Variants in IER3IP1 observed in about 807,000 individuals in gnomAD.
The protein encoded by IER3IP1 is immediate early response 3-interacting protein 1.
IER3IP1 carries 16 observed loss-of-function variants against 12.2 expected under a neutral mutation model. The ratio of observed to expected loss-of-function variants is 1.31; its 90% CI spans 0.89 to 1.99. The LOEUF is 1.99. IER3IP1 is among the 30% of genes most tolerant of loss of function. The pLI is 0.00. For missense variants in IER3IP1, 95 were observed against 95.8 expected, an observed-to-expected ratio of 0.99 and a Z score of 0.03; for synonymous variants, 42 against 40.0, an observed-to-expected ratio of 1.05 and a Z score of -0.19.
chr18:47,172,664 C>T lies in IER3IP1; in HGVS notation c.91+3523G>A, dbSNP rs1420466884. On this transcript the variant is annotated intron_variant, in intron 1 of 2. Coordinates refer to ENST00000256433, the MANE Select transcript of IER3IP1 (RefSeq NM_016097.5). The surrounding 1 kb of genome is among the most constrained non-coding windows in gnomAD (Gnocchi z 4.0). ...ACAGGATTCATCACGCTACTCAGAA[C>T]AGCTTGCAATTTAAAACATGAATTG... Among the ~76,000 whole-genome samples the T allele has an allele frequency of 6.6e-6, 1 of 152,220 alleles. No homozygotes were observed. The highest frequency in any genetic ancestry group is 1.5e-5 in the Non-Finnish European group (1 of 68,044).
At chr18:47,171,744 A>G (rs556052825) in intron 1 of IER3IP1, among the ~76,000 whole-genome samples, 20 of 152,118 alleles carry the variant, frequency 1.3e-4, no homozygotes, top group Non-Finnish European at 2.2e-4. Flanking sequence ...TGTGGCTCAA[A>G]TGACAGAGAC....
chr18:47,176,344 C>A lies in IER3IP1; in HGVS notation c.-67G>T, dbSNP rs2064034532. 1.4e-6 allele frequency: 2 copies of A among 1,402,252 alleles called. No individual in the cohort carries two copies. The highest frequency in any genetic ancestry group is 1.2e-5 in the South Asian group (1 of 81,412). The allele number at this position is 1,402,252 out of a possible 1,614,324, so 86.9% of individuals were successfully genotyped here. A position where few individuals can be genotyped will look rare whatever the true frequency, so the allele number is the denominator to read the frequency against. On this transcript the variant is annotated 5_prime_UTR_variant, in exon 1 of 3. Coordinates refer to ENST00000256433, the MANE Select transcript of IER3IP1 (RefSeq NM_016097.5). ...CGCCGCCGCAAGGGACGTGGCGCCT[C>A]CACGGCCGGCGCCTTCCTACGGAAG...
chr18:47,168,715 G>A (rs1387634367), intron 1 of IER3IP1, among the ~76,000 whole-genome samples: 2 of 152,100 alleles, frequency 1.3e-5, no homozygotes, highest in African/African-American at 4.8e-5. Flanking sequence ...GTCTTTTGGT[G>A]CACATATTTA....
intron 1 of IER3IP1, among the ~76,000 whole-genome samples, chr18:47,161,446 T>C (rs2063979723): frequency 6.6e-6 from 1 of 152,208 alleles, no homozygotes; most frequent in African/African-American, 2.4e-5. Flanking sequence ...TTGCTATCTC[T>C]TGCAAGACTC....
At chr18:47,161,562 C>A (rs1321480922) in intron 1 of IER3IP1, among the ~76,000 whole-genome samples, 1 of 152,112 alleles carries the variant, frequency 6.6e-6, no homozygotes, top group Non-Finnish European at 1.5e-5. Context: ...GAATAAGGAC[C>A]AAACTCCTTA....
chr18:47,153,033 T>C lies in IER3IP1; in HGVS notation c.*3144A>G, dbSNP rs1453350834. 3.3e-5 allele frequency: 5 copies of C among 152,236 alleles called. No homozygotes were observed. Among genetic ancestry groups the C allele is most frequent in the African/African-American group, 1.2e-4 (5 of 41,464 alleles). 9.4% of individuals were successfully genotyped at this position (152,236 alleles called of 1,614,324 possible). A position where few individuals can be genotyped will look rare whatever the true frequency, so the allele number is the denominator to read the frequency against. ...GGAAGTTTATTTGCTTTCAGTCACA[T>C]GGTAAAAGGTTTGCTTGATATATTA... On this transcript the variant is annotated 3_prime_UTR_variant, in exon 3 of 3. Transcript: ENST00000256433.
At chr18:47,161,901 C>T (rs982002306) in intron 1 of IER3IP1, among the ~76,000 whole-genome samples, 1 of 151,344 alleles carries the variant, frequency 6.6e-6, no homozygotes, top group Non-Finnish European at 1.5e-5. Context: ...AGTGATAGAT[C>T]ATCAGGCATT....
Position 47,155,952 on chromosome 18 carries a change from G to C in IER3IP1, c.*225C>G, listed in dbSNP as rs1296930771. The C allele has an allele frequency of 2.0e-6, 1 of 502,512 alleles. No individual in the cohort carries two copies. Among genetic ancestry groups the C allele is most frequent in the African/African-American group, 1.9e-5 (1 of 51,600 alleles). 31.1% of individuals were successfully genotyped at this position (502,512 alleles called of 1,614,324 possible). A position where few individuals can be genotyped will look rare whatever the true frequency, so the allele number is the denominator to read the frequency against. On this transcript the variant is annotated 3_prime_UTR_variant, in exon 3 of 3. Coordinates refer to ENST00000256433, the MANE Select transcript of IER3IP1 (RefSeq NM_016097.5). ...TAACACTGAGCAATCAGATATTCCAGTCCTGGAGAGTTACTGCCTTTCATG... is the reference window on the plus strand; with the variant it reads ...TAACACTGAGCAATCAGATATTCCACTCCTGGAGAGTTACTGCCTTTCATG...
chr18:47,175,870 C>T (rs2064031380), intron 1 of IER3IP1, among the ~76,000 whole-genome samples: 1 of 151,738 alleles, frequency 6.6e-6, no homozygotes, highest in African/African-American at 2.4e-5. Context: ...GCGAGACTCC[C>T]CCTCAAAAAA....
Position 47,156,242 on chromosome 18 carries a change from GAA to G in IER3IP1, c.194-12_194-11del, listed in dbSNP as rs553378864. 7 of 1,395,082 alleles carry G rather than the reference GAA, an allele frequency of 5.0e-6. No homozygotes were observed. The highest frequency in any genetic ancestry group is 1.3e-5 in the South Asian group (1 of 75,012). The allele number at this position is 1,395,082 out of a possible 1,614,324, so 86.4% of individuals were successfully genotyped here. On this transcript the variant is annotated splice_polypyrimidine_tract_variant and intron_variant, in intron 2 of 2. Transcript: ENST00000256433. ...ACTATTATCAATGGCACTGTAAAGA[GAA>G]AAAAAAAAGTTTGTTACTATAAAGA...
intron 1 of IER3IP1, among the ~76,000 whole-genome samples, chr18:47,173,895 G>A (rs1041037279): frequency 1.3e-5 from 2 of 152,168 alleles, no homozygotes; most frequent in Non-Finnish European, 2.9e-5. Flanking sequence ...CTCTGCCTCA[G>A]TTGTCACATG....
chr18:47,176,101 T>G, intron 1 of IER3IP1, 86 bp downstream of exon 1: 1 of 1,077,892 alleles, frequency 9.3e-7, no homozygotes, highest in Non-Finnish European at 1.4e-6. Context: ...TCCCGGCCCT[T>G]GGTGTCCCCT....
At chr18:47,170,868 T>C (rs1293042014) in intron 1 of IER3IP1, among the ~76,000 whole-genome samples, 1 of 152,148 alleles carries the variant, frequency 6.6e-6, no homozygotes, top group African/African-American at 2.4e-5. Context: ...TCTGGATGTC[T>C]TTTCTTTTTT....
intron 1 of IER3IP1, among the ~76,000 whole-genome samples, chr18:47,167,310 CA>C (rs2063999203): frequency 6.6e-6 from 1 of 152,160 alleles, no homozygotes; most frequent in Non-Finnish European, 1.5e-5. Flanking sequence ...CTCAGCCTCC[CA>C]AAAGGCTGGG....
At chr18:47,160,927 TCTC>T (rs951831335) in intron 1 of IER3IP1, among the ~76,000 whole-genome samples, 9 of 152,210 alleles carry the variant, frequency 5.9e-5, no homozygotes, top group African/African-American at 2.2e-4. Context: ...CTTTTGTTAT[TCTC>T]CTATGATACT....
chr18:47,163,899 GA>G (rs1234809235), intron 1 of IER3IP1, among the ~76,000 whole-genome samples: 1 of 152,088 alleles, frequency 6.6e-6, no homozygotes, highest in Admixed American at 6.6e-5. Flanking sequence ...ACATGGTATT[GA>G]TAGTTTCATT....
intron 1 of IER3IP1, among the ~76,000 whole-genome samples, chr18:47,161,543 T>C (rs200882094): frequency 3.3e-5 from 5 of 152,160 alleles, no homozygotes; most frequent in Non-Finnish European, 4.4e-5. Context: ...TCGATTCCCA[T>C]TGCCTACTGA....
At chr18:47,170,458 C>A (rs905134940) in intron 1 of IER3IP1, among the ~76,000 whole-genome samples, 2 of 151,878 alleles carry the variant, frequency 1.3e-5, no homozygotes, top group Admixed American at 1.3e-4. Context: ...TTGATAGACA[C>A]CACATTAAAC....
intron 1 of IER3IP1, among the ~76,000 whole-genome samples, chr18:47,168,321 C>CA (rs201267745): frequency 3.0e-5 from 4 of 133,144 alleles, no homozygotes; most frequent in East Asian, 4.3e-4. Flanking sequence ...AAAAAAAAGA[C>CA]AAAAAAAATC....
Sources: gnomAD v4.1 joint callset for allele counts (sites outside exome capture counted in the v4.1 genomes callset) on GRCh38, gnomAD v4.1.1 for gene constraint, Gnocchi (gnomAD v3.1) non-coding constraint, MANE v1.5 for transcripts, NCBI Gene and HGNC (gene_info 2026-07-23, HGNC 2026-07-21) for gene names.